Variants in APBA2 observed in about 807,000 individuals in gnomAD.
APBA2 encodes amyloid-beta A4 precursor protein-binding family A member 2.
APBA2 carries 30 observed loss-of-function variants against 75.0 expected under a neutral mutation model. That is an observed-to-expected ratio of 0.40 (90% CI 0.30 to 0.54). APBA2 has a LOEUF of 0.54. Among genes scored for constraint, APBA2 ranks in the 20% least tolerant of loss-of-function variants. The probability of loss-of-function intolerance (pLI) is 0.49; values close to 1 mark genes in which losing one functional copy is unlikely to be tolerated. For missense variants in APBA2, 801 were observed against 1,016.1 expected, an observed-to-expected ratio of 0.79 and a Z score of 2.88; for synonymous variants, 444 against 409.6, an observed-to-expected ratio of 1.08 and a Z score of -1.01.
At chr15:29,006,112 G>A (rs950218250) in intron 3 of APBA2, among the ~76,000 whole-genome samples, 3 of 152,074 alleles carry the variant, frequency 2.0e-5, no homozygotes, top group Admixed American at 6.5e-5. Flanking sequence ...AGAAATCAGA[G>A]GCATCCAAAT....
In APBA2 at chr15:29,000,342, C is replaced by G. The variant is rs181316026; in HGVS notation, c.-41+4536C>G. On this transcript the variant is annotated intron_variant, in intron 3 of 14. Coordinates refer to ENST00000683413, the MANE Select transcript of APBA2 (RefSeq NM_001353788.2). ...GACTTTGAGGGGATGGGACTGACAG[C>G]GATGGTTAAGCCTGAATGGAGGTTT... Among the ~76,000 whole-genome samples the G allele has an allele frequency of 1.1e-3, 172 of 152,266 alleles. 1 individual carries two copies. The highest frequency in any genetic ancestry group is 3.9e-3 in the African/African-American group (164 of 41,550).
At chr15:29,106,981 T>C (rs1265862140) in intron 12 of APBA2, among the ~76,000 whole-genome samples, 162 bp downstream of exon 12, 1 of 152,116 alleles carries the variant, frequency 6.6e-6, no homozygotes, top group Non-Finnish European at 1.5e-5. Context: ...GGTATCAGAA[T>C]TTGAACTCAA....
chr15:29,050,280 AAGGTATC>A (rs1284521099), intron 3 of APBA2, among the ~76,000 whole-genome samples: 2 of 152,214 alleles, frequency 1.3e-5, no homozygotes, highest in Non-Finnish European at 2.9e-5. Flanking sequence ...ATACCTAGCA[AAGGTATC>A]ATTCTATGTG....
chr15:29,015,070 A>G (rs2039592087), intron 3 of APBA2, among the ~76,000 whole-genome samples: 1 of 152,032 alleles, frequency 6.6e-6, no homozygotes, highest in African/African-American at 2.4e-5. Context: ...CACCTTTGAT[A>G]TTCTAGGATT....
chr15:28,958,979 C>CTTCTCTTCTG (rs1265750383), intron 2 of APBA2, among the ~76,000 whole-genome samples: 2 of 152,056 alleles, frequency 1.3e-5, no homozygotes, highest in Non-Finnish European at 2.9e-5. Flanking sequence ...GGGCTCTTCT[C>CTTCTCTTCTG]TTCTCTTCTG....
Position 28,896,569 on chromosome 15 carries a change from G to A in APBA2, c.-205+10291G>A, listed in dbSNP as rs562448032. ...GCTGGGATTACAGGCATGAGCCACC[G>A]CGCCTGGCCTCTTTCTTTATTGTGA... On this transcript the variant is annotated intron_variant, in intron 1 of 14. Transcript: ENST00000683413. Among the ~76,000 whole-genome samples, 79 of 152,248 alleles carry A rather than the reference G, an allele frequency of 5.2e-4. No individual in the cohort carries two copies. The South Asian group carries it at 5.6e-3, about 11-fold the overall frequency.
At chr15:29,110,046 T>G (rs1166019630) in intron 13 of APBA2, among the ~76,000 whole-genome samples, 10 of 152,356 alleles carry the variant, frequency 6.6e-5, no homozygotes, top group South Asian at 6.2e-4. Flanking sequence ...GCACAAGCAG[T>G]TGCCCCAGCT....
Position 29,065,004 on chromosome 15 carries a change from A to AGTGTGT in APBA2, c.952-9899_952-9894dup, listed in dbSNP as rs35524060. Among the ~76,000 whole-genome samples, 1,255 of 148,728 alleles carry AGTGTGT rather than the reference A, an allele frequency of 8.4e-3. 15 individuals are homozygous for AGTGTGT. The highest frequency in any genetic ancestry group is 0.03 in the African/African-American group (1,220 of 40,688). On this transcript the variant is annotated intron_variant, in intron 4 of 14. Transcript: ENST00000683413. ...GGTGCCAGCAAGCCGAGGTGCTCAT[A>AGTGTGT]GTGTGTGTGTGTGTGTGTGTGTGCA...
chr15:29,023,212 G>A, intron 3 of APBA2, among the ~76,000 whole-genome samples: 1 of 151,968 alleles, frequency 6.6e-6, no homozygotes, highest in Non-Finnish European at 1.5e-5. Flanking sequence ...TTCTAGGTAG[G>A]GTAACCAGCC....
At chr15:28,942,803 C>A (rs2035309046) in intron 2 of APBA2, among the ~76,000 whole-genome samples, 1 of 152,210 alleles carries the variant, frequency 6.6e-6, no homozygotes, top group South Asian at 2.1e-4. Context: ...AGTTGTGTGG[C>A]TGCCTCTTCC....
intron 1 of APBA2, among the ~76,000 whole-genome samples, chr15:28,919,156 G>T (rs1229919502): frequency 6.6e-6 from 1 of 152,172 alleles, no homozygotes; most frequent in Non-Finnish European, 1.5e-5. Flanking sequence ...CACTGCGCCC[G>T]GCCGGTTGTG....
intron 6 of APBA2, among the ~76,000 whole-genome samples, chr15:29,091,243 T>C (rs1485275417): frequency 6.6e-6 from 1 of 152,108 alleles, no homozygotes; most frequent in African/African-American, 2.4e-5. Flanking sequence ...GAGGACCCCA[T>C]TGATAGGACT....
chr15:28,937,051 G>A (rs67366736), intron 2 of APBA2, among the ~76,000 whole-genome samples: 44,989 of 152,100 alleles, frequency 0.3, 13,166 homozygotes, highest in African/African-American at 0.77. Context: ...CATTATTCAG[G>A]TCTTCCTGGC....
intron 2 of APBA2, among the ~76,000 whole-genome samples, chr15:28,952,467 G>A (rs116627531): frequency 0.031 from 4,657 of 152,182 alleles, 249 homozygotes; most frequent in African/African-American, 0.11. Flanking sequence ...GGGAAGTTGA[G>A]GCTGCAGTGA....
intron 3 of APBA2, among the ~76,000 whole-genome samples, chr15:29,027,393 C>G (rs1398227925): frequency 6.6e-6 from 1 of 152,032 alleles, no homozygotes; most frequent in Admixed American, 6.6e-5. Context: ...ACATTTCATT[C>G]AGTTAGATTT....
At chr15:29,023,585 A>C (rs1362513314) in intron 3 of APBA2, among the ~76,000 whole-genome samples, 1 of 149,826 alleles carries the variant, frequency 6.7e-6, no homozygotes, top group Non-Finnish European at 1.5e-5. Context: ...CCTCCCGAGT[A>C]ACTGTGAATA....
chr15:29,059,623 G>A (rs1208648311), intron 4 of APBA2, among the ~76,000 whole-genome samples: 1 of 152,078 alleles, frequency 6.6e-6, no homozygotes, highest in African/African-American at 2.4e-5. Flanking sequence ...TATTAAACAA[G>A]GTGCGTATAA....
intron 1 of APBA2, among the ~76,000 whole-genome samples, chr15:28,909,902 A>G (rs1490077421): frequency 6.6e-6 from 1 of 152,194 alleles, no homozygotes; most frequent in Non-Finnish European, 1.5e-5. Context: ...CTAAGAATGG[A>G]AAGCCCCTCT....
chr15:29,097,633 C>T (rs777443081), intron 8 of APBA2, among the ~76,000 whole-genome samples: 1 of 152,200 alleles, frequency 6.6e-6, no homozygotes, highest in Non-Finnish European at 1.5e-5. Flanking sequence ...AGCTAATTAA[C>T]GTGCATTACA....
Sources: allele counts gnomAD v4.1 joint callset (sites outside exome capture counted in the v4.1 genomes callset), GRCh38; gene constraint gnomAD v4.1.1; transcripts MANE v1.5; gene names NCBI Gene and HGNC (gene_info 2026-07-23, HGNC 2026-07-21).